The following SETD3 variants were observed in gnomAD, a reference collection of about 807,000 sequenced individuals.
SETD3 encodes SET domain containing 3, actin N3(tau)-histidine methyltransferase.
A neutral mutation model predicts 63.0 loss-of-function variants in SETD3; 19 were observed. That is an observed-to-expected ratio of 0.30 (90% confidence interval 0.21 to 0.44). The LOEUF is 0.44. Ranked by LOEUF, SETD3 falls within the 20% of genes least tolerant of loss-of-function variation. SETD3 has a pLI of 1.00. For missense variants in SETD3, 587 were observed against 728.5 expected (o/e 0.81, Z 2.24); for synonymous variants, 286 against 264.1 (o/e 1.08, Z -0.80).
Position 99,398,367 on chromosome 14 carries a change from A to C in SETD3, c.*312T>G. 1 of 254,514 alleles carries C rather than the reference A, an allele frequency of 3.9e-6. No individual in the cohort carries two copies. The highest frequency in any genetic ancestry group is 7.6e-6 in the Non-Finnish European group (1 of 132,176). 15.8% of individuals were successfully genotyped at this position (254,514 alleles called of 1,614,324 possible). Reference sequence around the variant, plus strand: ...CCACAAAAGTACAGCTGAGACGGGAACTGAATTCTTCCCCAGGAAGAAAAT... The same window carrying C: ...CCACAAAAGTACAGCTGAGACGGGACCTGAATTCTTCCCCAGGAAGAAAAT... On this transcript the variant is annotated 3_prime_UTR_variant, in exon 13 of 13. Transcript: ENST00000331768.
At chr14:99,483,880 A>G (rs2139845344), upstream of SETD3, among the ~76,000 whole-genome samples, 1 of 152,320 alleles carries the variant, frequency 6.6e-6, no homozygotes, top group East Asian at 1.9e-4. Context: ...TTAAATAGAT[A>G]AGCAGCGTGA....
intron 8 of SETD3, 200 bp downstream of exon 8, chr14:99,412,751 T>C: frequency 1.9e-6 from 1 of 532,210 alleles, no homozygotes. Context: ...CAGTTTTCAG[T>C]ATTAGTCAAT....
chr14:99,455,306 G>A (rs901317615), intron 6 of SETD3, among the ~76,000 whole-genome samples: 1 of 152,108 alleles, frequency 6.6e-6, no homozygotes, highest in Non-Finnish European at 1.5e-5. Flanking sequence ...CATGCATATC[G>A]CATTTTCAAC....
At chr14:99,430,914 G>A (rs189227272) in intron 6 of SETD3, among the ~76,000 whole-genome samples, 3 of 152,306 alleles carry the variant, frequency 2.0e-5, no homozygotes, top group Admixed American at 2.0e-4. Context: ...ACTCAAATCA[G>A]CTCTAATCTA....
intron 8 of SETD3, chr14:99,411,166 G>GT (rs780967680): frequency 9.2e-5 from 14 of 152,218 alleles, no homozygotes; most frequent in Non-Finnish European, 2.1e-4. Flanking sequence ...CATAACCACT[G>GT]TAAGACAAAG....
At chr14:99,470,960 T>C (rs1895669170) in intron 1 of SETD3, among the ~76,000 whole-genome samples, 1 of 152,202 alleles carries the variant, frequency 6.6e-6, no homozygotes, top group South Asian at 2.1e-4. Context: ...CTCTTCGCTC[T>C]GTTACTTCAG....
chr14:99,462,427 A>C (rs1416989423), intron 3 of SETD3, among the ~76,000 whole-genome samples: 4 of 152,232 alleles, frequency 2.6e-5, no homozygotes, highest in African/African-American at 9.7e-5. Context: ...ATTAACAGTC[A>C]ACCTGATATG....
At chr14:99,417,504 G>T (rs1892346380) in intron 6 of SETD3, among the ~76,000 whole-genome samples, 1 of 152,252 alleles carries the variant, frequency 6.6e-6, no homozygotes, top group Non-Finnish European at 1.5e-5. Flanking sequence ...GAAGATGGCT[G>T]CTGTGCAGCA....
chr14:99,444,632 G>A (rs1423460799), intron 6 of SETD3, among the ~76,000 whole-genome samples: 1 of 152,218 alleles, frequency 6.6e-6, no homozygotes, highest in Non-Finnish European at 1.5e-5. Context: ...GCCGAGGCGG[G>A]TGGATCGCTT....
At chr14:99,449,095 T>TA (rs1472284738) in intron 6 of SETD3, among the ~76,000 whole-genome samples, 2 of 152,210 alleles carry the variant, frequency 1.3e-5, no homozygotes, top group African/African-American at 4.8e-5. Flanking sequence ...TCCATACCGA[T>TA]ATGAACAGCT....
At chr14:99,402,507 C>T (rs1891441732) in intron 11 of SETD3, among the ~76,000 whole-genome samples, 2 of 152,186 alleles carry the variant, frequency 1.3e-5, no homozygotes, top group Admixed American at 1.3e-4. Flanking sequence ...ACTGCAGCCT[C>T]AACCTCCCAG....
At chr14:99,462,428 A>C (rs1895120422) in intron 3 of SETD3, among the ~76,000 whole-genome samples, 1 of 152,198 alleles carries the variant, frequency 6.6e-6, no homozygotes, top group African/African-American at 2.4e-5. Context: ...TTAACAGTCA[A>C]CCTGATATGT....
At chr14:99,410,728 T>A (rs1235053087) in intron 8 of SETD3, among the ~76,000 whole-genome samples, 1 of 152,268 alleles carries the variant, frequency 6.6e-6, no homozygotes, top group Admixed American at 6.5e-5. Context: ...ATCTCTAGCC[T>A]AGGTGTTCAT....
Position 99,443,052 on chromosome 14 carries a change from G to A in SETD3, c.675+15227C>T, listed in dbSNP as rs938418917. Among the ~76,000 whole-genome samples, 19 of 152,134 alleles carry A rather than the reference G, an allele frequency of 1.2e-4. 2 individuals are homozygous for A. Among genetic ancestry groups the A allele is most frequent in the Admixed American group, 1.2e-3 (18 of 15,274 alleles). On this transcript the variant is annotated intron_variant, in intron 6 of 12. Coordinates refer to ENST00000331768, the MANE Select transcript of SETD3 (RefSeq NM_032233.3). ...GCCTCATTTTCTTATCTTCTGATAG[G>A]GAGAGTTACATACCTGTATTACAAG...
intron 6 of SETD3, among the ~76,000 whole-genome samples, chr14:99,416,481 T>C (rs1892297576): frequency 6.6e-6 from 1 of 152,184 alleles, no homozygotes; most frequent in Non-Finnish European, 1.5e-5. Context: ...AAAATAAAAA[T>C]ATACAATTAA....
intron 6 of SETD3, among the ~76,000 whole-genome samples, chr14:99,425,754 T>C (rs1276871276): frequency 6.6e-6 from 1 of 152,196 alleles, no homozygotes; most frequent in Non-Finnish European, 1.5e-5. Flanking sequence ...ACTCAGGCTG[T>C]AAAGATGGTA....
intron 6 of SETD3, among the ~76,000 whole-genome samples, chr14:99,417,491 AAAG>A (rs1269011407): frequency 6.6e-6 from 1 of 152,264 alleles, no homozygotes; most frequent in Admixed American, 6.5e-5. Context: ...ATAAAGTATA[AAAG>A]AAGATGGCTG....
chr14:99,422,791 G>A (rs1411469718), intron 6 of SETD3, among the ~76,000 whole-genome samples: 1 of 152,162 alleles, frequency 6.6e-6, no homozygotes, highest in African/African-American at 2.4e-5. Flanking sequence ...TACCATACCG[G>A]GCTGCTGGTC....
At chr14:99,443,570 T>C (rs998534801) in intron 6 of SETD3, among the ~76,000 whole-genome samples, 2 of 152,184 alleles carry the variant, frequency 1.3e-5, no homozygotes, top group African/African-American at 4.8e-5. Context: ...TTGTTTTTAA[T>C]CTGTGTCCTG....
Sources: gnomAD v4.1 joint callset for allele counts (sites outside exome capture counted in the v4.1 genomes callset) on GRCh38, gnomAD v4.1.1 for gene constraint, MANE v1.5 for transcripts, NCBI Gene and HGNC (gene_info 2026-07-23, HGNC 2026-07-21) for gene names.